The following SPON1 variants were observed in gnomAD, a reference collection of about 807,000 sequenced individuals.
SPON1 encodes the protein spondin 1, also known as spondin-1.
Under a neutral mutation model 111.7 loss-of-function variants are expected in SPON1, and 52 were observed. That is an observed-to-expected ratio of 0.47 (90% confidence interval 0.37 to 0.59). The LOEUF is 0.59. SPON1 is among the 20% of genes least tolerant of loss of function. SPON1 has a pLI of 0.00. For missense variants in SPON1, 957 were observed against 1,068.5 expected, an observed-to-expected ratio of 0.90 and a Z score of 1.46; for synonymous variants, 410 against 395.8, an observed-to-expected ratio of 1.04 and a Z score of -0.43.
chr11:14,044,574 C>G (rs910190515), intron 3 of SPON1, among the ~76,000 whole-genome samples: 1 of 152,220 alleles, frequency 6.6e-6, no homozygotes, highest in Non-Finnish European at 1.5e-5. Flanking sequence ...ACTGTGCCAC[C>G]GCACTCCAGC....
At chr11:14,242,741 C>CTT (rs1308874752) in intron 6 of SPON1, among the ~76,000 whole-genome samples, 1 of 152,220 alleles carries the variant, frequency 6.6e-6, no homozygotes, top group Non-Finnish European at 1.5e-5. Context: ...CCTAAAATAA[C>CTT]TTTATGGTGC....
chr11:14,231,246 G>T (rs1055733522), intron 6 of SPON1, among the ~76,000 whole-genome samples: 3 of 151,570 alleles, frequency 2.0e-5, no homozygotes, highest in Non-Finnish European at 2.9e-5. Context: ...CAATTCTCCT[G>T]CCTCAGCCTC....
At chr11:14,215,419 G>A (rs1472157885) in intron 6 of SPON1, among the ~76,000 whole-genome samples, 1 of 152,164 alleles carries the variant, frequency 6.6e-6, no homozygotes, top group Non-Finnish European at 1.5e-5. Context: ...CATATGACTG[G>A]AAACTTCAAG....
chr11:14,013,316 CTG>C (rs1848420076), intron 2 of SPON1, among the ~76,000 whole-genome samples: 1 of 152,154 alleles, frequency 6.6e-6, no homozygotes, highest in Non-Finnish European at 1.5e-5. Context: ...AACATAGAGA[CTG>C]TGAAATCTAA....
intron 2 of SPON1, among the ~76,000 whole-genome samples, chr11:14,020,224 G>A (rs1020060459): frequency 6.6e-6 from 1 of 152,198 alleles, no homozygotes; most frequent in Admixed American, 6.5e-5. Context: ...ATAGGGAACA[G>A]GGGCCAGGGA....
At chr11:14,000,147 A>G (rs186426279) in intron 2 of SPON1, among the ~76,000 whole-genome samples, 8 of 152,250 alleles carry the variant, frequency 5.3e-5, no homozygotes, top group Admixed American at 4.6e-4. Flanking sequence ...TCACAGCATT[A>G]TGTCATCTGC....
chr11:13,990,526 A>G (rs1300884023), intron 2 of SPON1, among the ~76,000 whole-genome samples: 1 of 151,244 alleles, frequency 6.6e-6, no homozygotes, highest in Admixed American at 6.6e-5. Flanking sequence ...CATTTATCCA[A>G]TTTGTCAGTC....
At chr11:14,119,573 G>A (rs552138414) in intron 5 of SPON1, among the ~76,000 whole-genome samples, 1 of 152,316 alleles carries the variant, frequency 6.6e-6, no homozygotes, top group East Asian at 1.9e-4. Context: ...GATAGCATTA[G>A]CAAGTGCTCA....
intron 2 of SPON1, among the ~76,000 whole-genome samples, chr11:14,013,962 G>A (rs1025114131): frequency 2.0e-5 from 3 of 152,258 alleles, no homozygotes; most frequent in South Asian, 2.1e-4. Context: ...TTCCATTATC[G>A]TGGATTTTAG....
chr11:14,108,503 G>A (rs1554925118), intron 5 of SPON1, among the ~76,000 whole-genome samples: 1 of 152,070 alleles, frequency 6.6e-6, no homozygotes, highest in East Asian at 1.9e-4. Flanking sequence ...CCAAGTTCCA[G>A]GTATATTTTG....
At chr11:14,158,490 C>T (rs531796160) in intron 6 of SPON1, among the ~76,000 whole-genome samples, 1 of 152,258 alleles carries the variant, frequency 6.6e-6, no homozygotes, top group South Asian at 2.1e-4. Flanking sequence ...TCTTCAGGGA[C>T]TTGATCTTAG....
chr11:13,976,086 T>G (rs1431749736), intron 1 of SPON1, among the ~76,000 whole-genome samples: 1 of 152,220 alleles, frequency 6.6e-6, no homozygotes, highest in South Asian at 2.1e-4. Context: ...TCAACCTCTT[T>G]TTAAAAATAA....
intron 6 of SPON1, among the ~76,000 whole-genome samples, chr11:14,240,518 G>A (rs1056098815): frequency 1.3e-5 from 2 of 151,116 alleles, no homozygotes; most frequent in Non-Finnish European, 1.5e-5. Context: ...ATAAATAAAT[G>A]GTAATGTAGG....
rs782263484 is a variant in SPON1, at chr11:14,228,769, G to A, written c.826-14563G>A. On this transcript the variant is annotated intron_variant, in intron 6 of 15. Transcript: ENST00000576479. The surrounding 1 kb of genome is among the most constrained non-coding windows in gnomAD (Gnocchi z 4.2). The stretch of plus-strand genomic sequence containing the variant: ...GCGTCACATTGTCTTCCACACTAAC[G>A]CACAATAAAGTTGTATAGGGCAACC... 1.3e-5 allele frequency among the ~76,000 whole-genome samples: 2 copies of A among 152,092 alleles called. No homozygotes were observed. Among genetic ancestry groups the A allele is most frequent in the African/African-American group, 2.4e-5 (1 of 41,398 alleles).
At chr11:14,173,302 G>A (rs1848130883) in intron 6 of SPON1, among the ~76,000 whole-genome samples, 1 of 152,120 alleles carries the variant, frequency 6.6e-6, no homozygotes. Context: ...TGAGGCTTGT[G>A]CATTCGTCAC....
chr11:14,044,411 A>C (rs1479227766), intron 3 of SPON1, among the ~76,000 whole-genome samples: 1 of 152,192 alleles, frequency 6.6e-6, no homozygotes, highest in Non-Finnish European at 1.5e-5. Context: ...AAGGAGTTCA[A>C]GACCAGCCTG....
intron 6 of SPON1, among the ~76,000 whole-genome samples, chr11:14,170,447 A>C (rs1345882623): frequency 1.3e-5 from 2 of 152,116 alleles, no homozygotes; most frequent in Non-Finnish European, 2.9e-5. Flanking sequence ...GCAAACAGGG[A>C]CAATTTGACT....
chr11:14,162,014 T>C (rs1405315505), intron 6 of SPON1, among the ~76,000 whole-genome samples: 1 of 151,696 alleles, frequency 6.6e-6, no homozygotes. Flanking sequence ...AAAAAATGGC[T>C]GGGCATGGTG....
At chr11:14,188,653 T>C (rs1428881096) in intron 6 of SPON1, among the ~76,000 whole-genome samples, 1 of 152,192 alleles carries the variant, frequency 6.6e-6, no homozygotes, top group Non-Finnish European at 1.5e-5. Flanking sequence ...TTGAAACTTT[T>C]GGCAACAGCA....
Sources: allele counts gnomAD v4.1 joint callset (sites outside exome capture counted in the v4.1 genomes callset), GRCh38; gene constraint gnomAD v4.1.1; non-coding constraint Gnocchi (gnomAD v3.1); transcripts MANE v1.5; gene names NCBI Gene and HGNC (gene_info 2026-07-23, HGNC 2026-07-21).